The following ARHGAP17 variants were observed in gnomAD, a reference collection of about 807,000 sequenced individuals.
The protein encoded by ARHGAP17 is Rho GTPase activating protein 17, also known as rho GTPase-activating protein 17.
ARHGAP17 carries 57 observed loss-of-function variants against 99.5 expected under a neutral mutation model. The ratio of observed to expected loss-of-function variants is 0.57; its 90% CI spans 0.46 to 0.71. ARHGAP17 has a LOEUF of 0.71. ARHGAP17 is among the 30% of genes least tolerant of loss of function. The pLI is 0.00. For synonymous variants in ARHGAP17, 417 were observed against 429.6 expected (o/e 0.97, Z 0.36); for missense variants, 1,000 against 1,122.4 (o/e 0.89, Z 1.56).
intron 14 of ARHGAP17, among the ~76,000 whole-genome samples, chr16:24,946,190 G>C (rs892690149): frequency 6.6e-6 from 1 of 151,952 alleles, no homozygotes; most frequent in Non-Finnish European, 1.5e-5. Flanking sequence ...ACATTATTCT[G>C]CTTAGGAACC....
At chr16:24,998,506 T>C (rs1045001335) in intron 1 of ARHGAP17, among the ~76,000 whole-genome samples, 29 of 152,086 alleles carry the variant, frequency 1.9e-4, no homozygotes, top group African/African-American at 3.1e-4. Flanking sequence ...CCAGTTTTCT[T>C]AGGAAATTAG....
intron 13 of ARHGAP17, among the ~76,000 whole-genome samples, 178 bp from the exon 14 acceptor site, chr16:24,947,773 T>C (rs534624053): frequency 6.6e-6 from 1 of 152,332 alleles, no homozygotes; most frequent in South Asian, 2.1e-4. Flanking sequence ...CTTCAGATAA[T>C]AGACTAATTA....
chr16:24,963,686 C>T (rs1475896831), intron 7 of ARHGAP17, among the ~76,000 whole-genome samples: 4 of 152,134 alleles, frequency 2.6e-5, no homozygotes, highest in Non-Finnish European at 5.9e-5. Flanking sequence ...AGATAAAAAG[C>T]TCTATTTCTC....
At chr16:24,986,192 C>G (rs928162951) in intron 1 of ARHGAP17, among the ~76,000 whole-genome samples, 1 of 152,222 alleles carries the variant, frequency 6.6e-6, no homozygotes, top group African/African-American at 2.4e-5. Flanking sequence ...AGACACTGGG[C>G]TGGCACTTAC....
At position 24,939,451 on chromosome 16, in the gene ARHGAP17, C is replaced by T. The variant is rs368132068; in HGVS notation, c.1637G>A (p.Ser546Asn). The change falls in exon 17 of 20, where the codon AGC (serine) becomes AAC (asparagine). Residue 546 changes from serine to asparagine, a missense_variant. Ser to Asn is a conservative substitution (Grantham distance 46, BLOSUM62 1). Coordinates refer to ENST00000289968, the MANE Select transcript of ARHGAP17 (RefSeq NM_001006634.3). ...CCCAGAGCTGCTTTCAGCCCTAGAG[C>T]TCTGGGGAGGGGGCTCTGGGCCAGC... ...VPAGPEPPPQ[S>N]SRAESSSGGG... is the part of the protein sequence containing the mutation. 3.7e-6 allele frequency: 6 copies of T among 1,611,616 alleles called. No homozygotes were observed.
At chr16:24,981,898 T>C (rs1243583526) in intron 1 of ARHGAP17, among the ~76,000 whole-genome samples, 3 of 152,114 alleles carry the variant, frequency 2.0e-5, no homozygotes, top group Non-Finnish European at 4.4e-5. Flanking sequence ...TTTCCAGCCA[T>C]TTTTTTCAAA....
chr16:24,991,145 C>T (rs958994638), intron 1 of ARHGAP17, among the ~76,000 whole-genome samples: 2 of 152,096 alleles, frequency 1.3e-5, no homozygotes, highest in African/African-American at 4.8e-5. Flanking sequence ...GTCAAACATA[C>T]CAGACTTTGA....
At position 24,960,820 on chromosome 16, in the gene ARHGAP17, G is replaced by GA. The variant is rs917056333; in HGVS notation, c.574-842dup. Among the ~76,000 whole-genome samples the GA allele has an allele frequency of 2.8e-4, 35 of 126,694 alleles. 1 individual carries two copies. In the South Asian group the frequency reaches 3.2e-3, roughly 12 times the overall value. The allele number at this position is 126,694 out of a possible 152,430, so 83.1% of individuals were successfully genotyped here. On this transcript the variant is annotated intron_variant, in intron 7 of 19. Transcript: ENST00000289968. The stretch of plus-strand genomic sequence containing the variant: ...AACAGTGCAAGACTCCGTCTCCAAA[G>GA]AAAAAAAAAAAGGCAGGGGGTGGGT...
At chr16:24,975,940 C>T (rs1426668410) in intron 3 of ARHGAP17, among the ~76,000 whole-genome samples, 1 of 152,150 alleles carries the variant, frequency 6.6e-6, no homozygotes, top group East Asian at 1.9e-4. Context: ...TAGAGTCCAT[C>T]CCTCTTCCTC....
chr16:24,919,430 A>C lies in ARHGAP17; in HGVS notation c.*700T>G, dbSNP rs2050662642. On this transcript the variant is annotated 3_prime_UTR_variant, in exon 20 of 20. Coordinates refer to ENST00000289968, the MANE Select transcript of ARHGAP17 (RefSeq NM_001006634.3). ...AGAATATATTTAATTCAAATTAAAC[A>C]TGAAACTAGAATAATGTTCGGTCCT... 1 of 152,704 alleles carries C rather than the reference A, an allele frequency of 6.5e-6. No individual in the cohort carries two copies. The highest frequency in any genetic ancestry group is 2.4e-5 in the African/African-American group (1 of 41,432). 9.5% of individuals were successfully genotyped at this position (152,704 alleles called of 1,614,324 possible).
At chr16:24,982,814 G>T (rs535847801) in intron 1 of ARHGAP17, among the ~76,000 whole-genome samples, 9 of 150,034 alleles carry the variant, frequency 6.0e-5, no homozygotes, top group Admixed American at 2.6e-4. Flanking sequence ...AAATGTGCTG[G>T]TTTTTTCTGA....
Position 24,970,498 on chromosome 16 carries a change from A to G in ARHGAP17, c.272+9T>C, listed in dbSNP as rs371056544. 14 of 1,613,694 alleles carry G rather than the reference A, an allele frequency of 8.7e-6. No homozygotes were observed. In the African/African-American group the frequency reaches 1.9e-4, roughly 22 times the overall value. ...TGGCACTTGGCACTCTGAAGGCAGC[A>G]ACTCTTACCCCAGGAGAGAGTCTTC... On this transcript the variant is annotated intron_variant, in intron 4 of 19. Transcript: ENST00000289968.
chr16:24,942,896 T>C (rs1156816648), intron 15 of ARHGAP17, among the ~76,000 whole-genome samples: 1 of 152,188 alleles, frequency 6.6e-6, no homozygotes, highest in Non-Finnish European at 1.5e-5. Flanking sequence ...TTGAGCAGAA[T>C]GCTAGCATTC....
At chr16:25,000,514 C>T (rs2053331643) in intron 1 of ARHGAP17, among the ~76,000 whole-genome samples, 1 of 152,076 alleles carries the variant, frequency 6.6e-6, no homozygotes, top group African/African-American at 2.4e-5. Flanking sequence ...TTGAGGATGT[C>T]TGTGAAGTCC....
At chr16:24,947,347 A>C (rs56891496) in intron 14 of ARHGAP17, 135 bp downstream of exon 14, 47,925 of 734,150 alleles carry the variant, frequency 0.065, 12,057 homozygotes, top group African/African-American at 0.64. Flanking sequence ...CCAAGAATAT[A>C]GGCTGAATGA....
At chr16:24,963,237 A>C (rs1003041505) in intron 7 of ARHGAP17, among the ~76,000 whole-genome samples, 5 of 152,248 alleles carry the variant, frequency 3.3e-5, no homozygotes, top group Admixed American at 6.5e-5. Flanking sequence ...TCATCTTTTA[A>C]ACATAAAAAC....
rs2052681143 is a variant in ARHGAP17 at position 24,981,754 on chromosome 16, TAAGTAGCATGCTTGATTGATATGGCC to T, written c.54-2775_54-2750del. Among the ~76,000 whole-genome samples the T allele has an allele frequency of 5.3e-5, 8 of 152,332 alleles. No individual in the cohort carries two copies. In the South Asian group the frequency reaches 1.5e-3, roughly 28 times the overall value. On this transcript the variant is annotated intron_variant, in intron 1 of 19. Transcript: ENST00000289968. ...AAAAATAGCATGTTACTTACACTTT[TAAGTAGCATGCTTGATTGATATGGCC>T]AGGGGTGAAGTGTGCCTAACTTAAA...
intron 3 of ARHGAP17, among the ~76,000 whole-genome samples, chr16:24,975,950 C>T (rs770587570): frequency 5.8e-4 from 89 of 152,158 alleles, no homozygotes; most frequent in Non-Finnish European, 1.9e-4. Context: ...CCCTCTTCCT[C>T]TCTATACTAG....
At chr16:24,922,707 G>T (rs1215032753) in intron 19 of ARHGAP17, among the ~76,000 whole-genome samples, 3 of 151,984 alleles carry the variant, frequency 2.0e-5, no homozygotes, top group Admixed American at 2.0e-4. Context: ...ATGGGGTCTT[G>T]CTCTTTTGCC....
Sources: gnomAD v4.1 joint callset for allele counts (sites outside exome capture counted in the v4.1 genomes callset) on GRCh38, gnomAD v4.1.1 for gene constraint, MANE v1.5 for transcripts, NCBI Gene and HGNC (gene_info 2026-07-23, HGNC 2026-07-21) for gene names.